Variants in DCAF6 observed in about 807,000 individuals in gnomAD.
DCAF6 encodes DDB1- and CUL4-associated factor 6.
DCAF6 carries 54 observed loss-of-function variants against 125.1 expected under a neutral mutation model. The observed-to-expected ratio is 0.43, with a 90% CI of 0.35 to 0.54. The LOEUF (loss-of-function observed/expected upper bound fraction) is 0.54. Ranked by LOEUF, DCAF6 falls within the 20% of genes least tolerant of loss-of-function variation. The probability of loss-of-function intolerance (pLI) is 0.01; values close to 1 mark genes in which losing one functional copy is unlikely to be tolerated. For missense variants in DCAF6, 934 were observed against 1,161.7 expected (o/e 0.80, Z 2.85); for synonymous variants, 371 against 390.4 (o/e 0.95, Z 0.58).
chr1:168,030,397 CTT>C (rs1686919396), intron 12 of DCAF6, among the ~76,000 whole-genome samples: 1 of 152,164 alleles, frequency 6.6e-6, no homozygotes, highest in Non-Finnish European at 1.5e-5. Context: ...GACAAAGTGA[CTT>C]TTTGGACATT....
In DCAF6 at chr1:168,023,050, G is replaced by A; in HGVS notation, c.1609+3G>A. 1 of 1,614,110 alleles carries A rather than the reference G, an allele frequency of 6.2e-7. No individual in the cohort carries two copies. The highest frequency in any genetic ancestry group is 2.2e-5 in the East Asian group (1 of 44,880). On this transcript the variant is annotated splice_donor_region_variant and intron_variant, in intron 12 of 21. Coordinates refer to ENST00000367840, the MANE Select transcript of DCAF6 (RefSeq NM_001198956.2). Reference sequence around the variant, plus strand: ...CATGTCACTTGACGAGCAACAGGGTGCGTGCAACAGGAGATGCGCTATGCC... The same window carrying A: ...CATGTCACTTGACGAGCAACAGGGTACGTGCAACAGGAGATGCGCTATGCC...
the DCAF6 span, among the ~76,000 whole-genome samples, chr1:167,930,700 C>T: frequency 5.9e-5 from 9 of 152,256 alleles, no homozygotes; most frequent in South Asian, 8.3e-4. Context: ...GATAGAGCAA[C>T]GACTAGAACA....
the DCAF6 span, chr1:167,899,358 C>G: frequency 6.5e-7 from 1 of 1,530,498 alleles, no homozygotes; most frequent in Middle Eastern, 1.7e-4. Context: ...CCCAGTGACT[C>G]TTCTGGCAGG....
intron 6 of DCAF6, among the ~76,000 whole-genome samples, chr1:167,992,009 A>G (rs1680903382): frequency 6.6e-6 from 1 of 152,122 alleles, no homozygotes. Flanking sequence ...TTTTCAATCA[A>G]GAAAACAATG....
intron 4 of DCAF6, among the ~76,000 whole-genome samples, chr1:167,975,989 A>G (rs753514497): frequency 3.9e-5 from 6 of 151,926 alleles, no homozygotes; most frequent in Non-Finnish European, 8.8e-5. Context: ...ATGTTTTTGT[A>G]TGTACTTATA....
chr1:168,002,298 A>G (rs1051399614), intron 7 of DCAF6, among the ~76,000 whole-genome samples, 184 bp from the exon 8 acceptor site: 1 of 152,192 alleles, frequency 6.6e-6, no homozygotes, highest in East Asian at 1.9e-4. Flanking sequence ...GTGGATATTT[A>G]TCCTCAGAAT....
chr1:168,030,541 TCTC>T (rs1404631694), intron 12 of DCAF6, among the ~76,000 whole-genome samples: 3 of 152,120 alleles, frequency 2.0e-5, no homozygotes, highest in African/African-American at 7.2e-5. Context: ...CTTACGAAGT[TCTC>T]CTGGTAATAG....
chr1:168,057,270 A>G (rs1385294304), intron 17 of DCAF6, among the ~76,000 whole-genome samples: 1 of 152,200 alleles, frequency 6.6e-6, no homozygotes, highest in Non-Finnish European at 1.5e-5. Context: ...ATTTCTGCTT[A>G]TATTTTAGCC....
intron 10 of DCAF6, among the ~76,000 whole-genome samples, chr1:168,013,217 C>T (rs897420750): frequency 6.6e-6 from 1 of 152,094 alleles, no homozygotes; most frequent in African/African-American, 2.4e-5. Context: ...ATGAATACTA[C>T]CCTATTGGTA....
chr1:167,939,104 T>C (rs1671831684), intron 1 of DCAF6, among the ~76,000 whole-genome samples: 2 of 152,232 alleles, frequency 1.3e-5, no homozygotes, highest in South Asian at 4.1e-4. Flanking sequence ...TGAAAATGTT[T>C]GCAAAGAACT....
At chr1:167,890,193 C>A in the DCAF6 span, among the ~76,000 whole-genome samples, 3 of 152,078 alleles carry the variant, frequency 2.0e-5, no homozygotes, top group African/African-American at 7.2e-5. Context: ...TTTGTACCTG[C>A]CCTCCTTGGG....
chr1:167,919,209 T>C, the DCAF6 span, among the ~76,000 whole-genome samples: 2 of 152,280 alleles, frequency 1.3e-5, no homozygotes, highest in African/African-American at 4.8e-5. Flanking sequence ...AACACTTAAG[T>C]TCACAAACGC....
chr1:168,036,487 A>G (rs1359480982), intron 12 of DCAF6, among the ~76,000 whole-genome samples: 2 of 152,166 alleles, frequency 1.3e-5, no homozygotes, highest in Admixed American at 1.3e-4. Flanking sequence ...ACTAGCCCGA[A>G]CTCAGTCTCT....
chr1:168,046,221 A>C (rs2101811517), intron 16 of DCAF6, among the ~76,000 whole-genome samples: 1 of 152,266 alleles, frequency 6.6e-6, no homozygotes, highest in East Asian at 1.9e-4. Context: ...ATGATTATCT[A>C]AAATTATTGT....
intron 16 of DCAF6, among the ~76,000 whole-genome samples, chr1:168,049,454 G>GT (rs1292640262): frequency 1.3e-5 from 1 of 79,900 alleles, no homozygotes; most frequent in African/African-American, 4.2e-5. Context: ...TTTTTTTTTA[G>GT]AAGAGACAGT....
At chr1:167,886,345 C>A in the DCAF6 span, among the ~76,000 whole-genome samples, 1 of 152,150 alleles carries the variant, frequency 6.6e-6, no homozygotes, top group African/African-American at 2.4e-5. Context: ...GGTACCAAAA[C>A]AGAAATATAG....
chr1:167,925,579 C>T, the DCAF6 span, among the ~76,000 whole-genome samples: 12 of 141,522 alleles, frequency 8.5e-5, no homozygotes, highest in Non-Finnish European at 1.2e-4. Flanking sequence ...CAGAGTCTCA[C>T]TCTGTTGCCC....
At chr1:167,900,504 AT>A in the DCAF6 span, among the ~76,000 whole-genome samples, 14 of 150,588 alleles carry the variant, frequency 9.3e-5, no homozygotes, top group Admixed American at 3.3e-4. Flanking sequence ...AATAACTTTG[AT>A]TTTTTTTTCA....
chr1:168,022,931 A>G, intron 11 of DCAF6, 57 bp from the exon 12 acceptor site: 1 of 1,467,310 alleles, frequency 6.8e-7, no homozygotes, highest in Non-Finnish European at 9.5e-7. Flanking sequence ...TGATCATGAC[A>G]TTGCTGTGCA....
Sources: gnomAD v4.1 joint callset for allele counts (sites outside exome capture counted in the v4.1 genomes callset) on GRCh38, gnomAD v4.1.1 for gene constraint, MANE v1.5 for transcripts, NCBI Gene and HGNC (gene_info 2026-07-23, HGNC 2026-07-21) for gene names.